Variants in ECPAS observed in about 807,000 individuals in gnomAD.
The protein encoded by ECPAS is proteasome adapter and scaffold protein ECM29.
A neutral mutation model predicts 255.1 loss-of-function variants in ECPAS; 70 were observed. The ratio of observed to expected loss-of-function variants is 0.27; its 90% CI spans 0.23 to 0.33. ECPAS has a LOEUF of 0.33. Ranked by LOEUF, ECPAS falls within the 10% of genes least tolerant of loss-of-function variation. ECPAS has a pLI of 1.00. For synonymous variants in ECPAS, 784 were observed against 775.0 expected (o/e 1.01, Z -0.19); for missense variants, 1,817 against 2,206.4 (o/e 0.82, Z 3.54).
chr9:111,418,222 T>C (rs2098207454), intron 16 of ECPAS, among the ~76,000 whole-genome samples: 1 of 152,202 alleles, frequency 6.6e-6, no homozygotes, highest in Non-Finnish European at 1.5e-5. Context: ...CTGGCTTACA[T>C]CTTTGAATTT....
In ECPAS at chr9:111,384,503, T is replaced by A; in HGVS notation, c.3681+19A>T. On this transcript the variant is annotated intron_variant, in intron 34 of 49. Transcript: ENST00000684092. ...GAACCCTGCTCCACTCCATTCCCAA[T>A]GTAAGACGGGGTTTTCACCTTGCTC... 1.2e-6 allele frequency: 2 copies of A among 1,610,812 alleles called. No individual in the cohort carries two copies. Among genetic ancestry groups the A allele is most frequent in the Non-Finnish European group, 1.7e-6 (2 of 1,177,072 alleles).
intron 7 of ECPAS, among the ~76,000 whole-genome samples, chr9:111,436,651 A>T (rs1023502525): frequency 3.9e-5 from 6 of 152,244 alleles, no homozygotes; most frequent in East Asian, 1.9e-4. Context: ...AAAATAAAAA[A>T]AAATAAAATG....
In ECPAS at chr9:111,394,271, C is replaced by T. The variant is rs1265745360; in HGVS notation, c.2811G>A (p.Leu937=). Residue 937 remains leucine (L), a synonymous_variant, in exon 26 of 50, where the codon TTG becomes TTA. Coordinates refer to ENST00000684092, the MANE Select transcript of ECPAS (RefSeq NM_001364929.1). ...TGATATGTTTATTTAAAATCACATCCAACACCCATGGAACCACATCATTCA... is the reference window on the plus strand; with the variant it reads ...TGATATGTTTATTTAAAATCACATCTAACACCCATGGAACCACATCATTCA... The part of the protein sequence containing the change: ...AKVNDVVPWV[L]DVILNKHIIS... 1 of 1,596,366 alleles carries T rather than the reference C, an allele frequency of 6.3e-7. No individual in the cohort carries two copies. Among genetic ancestry groups the T allele is most frequent in the Non-Finnish European group, 8.5e-7 (1 of 1,171,298 alleles).
chr9:111,450,525 C>T (rs1490992647), intron 3 of ECPAS, among the ~76,000 whole-genome samples: 3 of 152,154 alleles, frequency 2.0e-5, no homozygotes, highest in Non-Finnish European at 4.4e-5. Context: ...GGAATAAAAC[C>T]TGACCATAGC....
Position 111,430,416 on chromosome 9 carries a change from T to A in ECPAS, c.930+131A>T. The A allele has an allele frequency of 5.9e-6, 4 of 674,220 alleles. No homozygotes were observed. In the East Asian group the frequency reaches 1.1e-4, roughly 19 times the overall value. The allele number at this position is 674,220 out of a possible 1,614,324, so 41.8% of individuals were successfully genotyped here. A position where few individuals can be genotyped will look rare whatever the true frequency, so the allele number is the denominator to read the frequency against. On this transcript the variant is annotated intron_variant, in intron 9 of 49. Coordinates refer to ENST00000684092, the MANE Select transcript of ECPAS (RefSeq NM_001364929.1). ...AGGTTTTAATTCATCTAAACTAGCA[T>A]GACTTAAAACTAGCATTTTGTTATA...
chr9:111,376,360 C>T (rs923152653), intron 37 of ECPAS, 116 bp downstream of exon 37: 2 of 763,948 alleles, frequency 2.6e-6, no homozygotes, highest in East Asian at 2.7e-5. Flanking sequence ...GGAGTCACAA[C>T]AGCTGCTTGA....
intron 1 of ECPAS, among the ~76,000 whole-genome samples, chr9:111,482,211 C>G (rs1023010028): frequency 4.6e-5 from 7 of 152,198 alleles, no homozygotes; most frequent in African/African-American, 1.7e-4. Flanking sequence ...GCCCGCTTCT[C>G]TCTCTAATCG....
At chr9:111,455,026 C>T (rs1376081861) in intron 2 of ECPAS, among the ~76,000 whole-genome samples, 1 of 152,186 alleles carries the variant, frequency 6.6e-6, no homozygotes, top group African/African-American at 2.4e-5. Context: ...TGAGCCACTG[C>T]ACCCGGCCTA....
chr9:111,396,932 G>C, intron 25 of ECPAS, 98 bp downstream of exon 25: 3 of 1,422,714 alleles, frequency 2.1e-6, no homozygotes, highest in Non-Finnish European at 2.9e-6. Context: ...TTTGAAAACA[G>C]TAATATGGAA....
chr9:111,363,723 T>C (rs984874002), intron 48 of ECPAS, 64 bp from the exon 49 acceptor site: 2 of 790,920 alleles, frequency 2.5e-6, no homozygotes, highest in African/African-American at 1.8e-5. Flanking sequence ...AAGATTAAAT[T>C]TGTGTTGCTG....
intron 38 of ECPAS, 73 bp from the exon 39 acceptor site, chr9:111,374,111 T>C (rs2098130649): frequency 1.7e-6 from 2 of 1,171,756 alleles, no homozygotes; most frequent in Non-Finnish European, 2.6e-6. Flanking sequence ...TTGGCTTAGG[T>C]GCCAAAAATT....
At chr9:111,416,395 G>T in intron 17 of ECPAS, 43 bp from the exon 18 acceptor site, 1 of 1,415,306 alleles carries the variant, frequency 7.1e-7, no homozygotes, top group Non-Finnish European at 1.0e-6. Context: ...ACTGAAAAAT[G>T]AAGCATACCT....
intron 8 of ECPAS, among the ~76,000 whole-genome samples, chr9:111,432,991 T>C (rs1166093492): frequency 6.6e-6 from 1 of 152,116 alleles, no homozygotes; most frequent in South Asian, 2.1e-4. Flanking sequence ...GCCAAAAGTC[T>C]CATTGATTGT....
At chr9:111,411,628 T>C (rs770029172) in intron 21 of ECPAS, 5 of 179,778 alleles carry the variant, frequency 2.8e-5, no homozygotes, top group Non-Finnish European at 4.6e-5. Flanking sequence ...CAGCAGTAGA[T>C]GAGGAAGAAA....
chr9:111,437,083 G>T lies in ECPAS; in HGVS notation c.565C>A (p.Arg189Ser). The part of the protein sequence containing the change: ...YGYVLNESQS[R>S]QNSSSAQGSS... ...CCCTGTGCTGAAGATGAATTTTGGC[G>T]ACTCTGGGATTCATTTAACACGTAA... Residue 189 changes from arginine (R) to serine (S), a missense_variant, in exon 7 of 50, where the codon CGC becomes AGC. Physicochemically the swap from Arg to Ser is moderately radical, Grantham distance 110. Around this residue, in one of 4 missense-constraint regions of ECPAS, gnomAD observed 573 missense variants for 716.2 expected, o/e 0.80. Coordinates refer to ENST00000684092, the MANE Select transcript of ECPAS (RefSeq NM_001364929.1). The T allele has an allele frequency of 6.2e-7, 1 of 1,607,930 alleles. No homozygotes were observed. The highest frequency in any genetic ancestry group is 8.5e-7 in the Non-Finnish European group (1 of 1,178,214).
At chr9:111,428,965 A>C (rs1217049551) in intron 9 of ECPAS, among the ~76,000 whole-genome samples, 2 of 152,178 alleles carry the variant, frequency 1.3e-5, no homozygotes, top group African/African-American at 4.8e-5. Context: ...GCCTGTGCTC[A>C]TATCACCTGT....
rs1389578549 is a variant in ECPAS, at chr9:111,414,575, T to C, written c.1841A>G (p.Gln614Arg). The change falls in exon 19 of 50, where the codon CAG becomes CGG. Residue 614 changes from glutamine to arginine, a missense_variant. By Grantham distance (43) the Gln-to-Arg change is conservative. Transcript: ENST00000684092. ...VPTSQSLADM[Q>R]DHAPAIGRYI... is the part of the protein sequence containing the mutation. The stretch of plus-strand genomic sequence containing the variant: ...GCGCCCAATGGCTGGGGCATGATCC[T>C]GCATATCAGCCAAACTCTGAGAGGT... The C allele has an allele frequency of 6.2e-7, 1 of 1,613,904 alleles. No individual in the cohort carries two copies. Among genetic ancestry groups the C allele is most frequent in the Non-Finnish European group, 8.5e-7 (1 of 1,179,894 alleles).
chr9:111,477,900 C>CTT (rs34461136), intron 1 of ECPAS, among the ~76,000 whole-genome samples: 5 of 138,384 alleles, frequency 3.6e-5, no homozygotes, highest in Middle Eastern at 3.8e-3. Flanking sequence ...TTTTTGGCAA[C>CTT]TTTTTTTTTT....
intron 1 of ECPAS, chr9:111,483,564 A>C: frequency 1.0e-5 from 3 of 299,420 alleles, no homozygotes; most frequent in Non-Finnish European, 1.4e-5. Context: ...GGAGGGAACG[A>C]GGGAGGGGCT....
Sources: allele counts gnomAD v4.1 joint callset (sites outside exome capture counted in the v4.1 genomes callset), GRCh38; gene constraint gnomAD v4.1.1; regional missense constraint gnomAD v4.1.1; transcripts MANE v1.5; gene names NCBI Gene and HGNC (gene_info 2026-07-23, HGNC 2026-07-21).